The following PDE4D variants were observed in gnomAD, a reference collection of about 807,000 sequenced individuals.
PDE4D encodes the protein 3',5'-cyclic-AMP phosphodiesterase 4D.
Under a neutral mutation model 87.4 loss-of-function variants are expected in PDE4D, and 24 were observed. That is an observed-to-expected ratio of 0.27 (90% confidence interval 0.20 to 0.39). The LOEUF (loss-of-function observed/expected upper bound fraction) is 0.39. Ranked by LOEUF, PDE4D falls within the 10% of genes least tolerant of loss-of-function variation. The pLI is 1.00. For synonymous variants in PDE4D, 384 were observed against 383.2 expected, an observed-to-expected ratio of 1.00 and a Z score of -0.02; for missense variants, 714 against 1,041.0, an observed-to-expected ratio of 0.69 and a Z score of 4.32.
At chr5:59,750,912 A>T (rs1760350152) in intron 1 of PDE4D, among the ~76,000 whole-genome samples, 1 of 145,028 alleles carries the variant, frequency 6.9e-6, no homozygotes, top group South Asian at 2.2e-4. Flanking sequence ...ACTTTACTCT[A>T]GGCGGCCTGG....
chr5:59,984,648 G>T (rs1182468277), intron 3 of PDE4D, among the ~76,000 whole-genome samples: 1 of 152,116 alleles, frequency 6.6e-6, no homozygotes, highest in Non-Finnish European at 1.5e-5. Flanking sequence ...TCAGTCTCTT[G>T]ACCCAAGTAC....
Position 59,398,466 on chromosome 5 carries a change from C to T in PDE4D, c.456-182498G>A, listed in dbSNP as rs1236190706. On this transcript the variant is annotated intron_variant, in intron 1 of 14. Transcript: ENST00000340635. The stretch of plus-strand genomic sequence containing the variant: ...AATGTAATCCAGCATATAAACAGAG[C>T]CAAAGACAAAAACCACATGATTATC... Among the ~76,000 whole-genome samples the T allele has an allele frequency of 3.2e-3, 449 of 138,460 alleles. 9 individuals carry two copies. The highest frequency in any genetic ancestry group is 0.012 in the African/African-American group (436 of 36,022). The allele number at this position is 138,460 out of a possible 152,430, so 90.8% of individuals were successfully genotyped here.
At chr5:59,287,689 C>T (rs1767235665) in intron 1 of PDE4D, among the ~76,000 whole-genome samples, 2 of 151,562 alleles carry the variant, frequency 1.3e-5, no homozygotes, top group Admixed American at 6.6e-5. Flanking sequence ...TGTTACCCCT[C>T]CCCCAGATCC....
intron 2 of PDE4D, among the ~76,000 whole-genome samples, chr5:60,143,565 T>A (rs1544789): frequency 1.3e-5 from 2 of 151,110 alleles, no homozygotes; most frequent in Non-Finnish European, 2.9e-5. Flanking sequence ...AGTCCTAACC[T>A]GAGTTCTGGT....
chr5:59,777,377 G>A (rs184920426), intron 1 of PDE4D, among the ~76,000 whole-genome samples: 1 of 152,218 alleles, frequency 6.6e-6, no homozygotes. Flanking sequence ...ACAGAAGCCT[G>A]TTGGGAGACT....
rs577541807 is a variant in PDE4D at position 59,043,729 on chromosome 5, C to T, written c.809-4758G>A. ...CTTCCCCCCACCCCACAGCAGGCCC[C>T]GGTGTGTGATGTTCCCCTTCCTATG... On this transcript the variant is annotated intron_variant, in intron 5 of 14. Transcript: ENST00000340635. Among the ~76,000 whole-genome samples the T allele has an allele frequency of 3.6e-4, 54 of 151,864 alleles. No individual in the cohort carries two copies. The East Asian group carries it at 8.0e-3, about 22-fold the overall frequency.
At position 59,265,739 on chromosome 5, in the gene PDE4D, C is replaced by A. The variant is rs74560124; in HGVS notation, c.456-49771G>T. Among the ~76,000 whole-genome samples, 30 of 152,076 alleles carry A rather than the reference C, an allele frequency of 2.0e-4. No homozygotes were observed. The East Asian group carries it at 4.5e-3, about 23-fold the overall frequency. ...TATTTGCCACTCAAATTTAGGCAAG[C>A]CACTTTACTTCATTAGGCCTCAGTC... On this transcript the variant is annotated intron_variant, in intron 1 of 14. Coordinates refer to ENST00000340635, the MANE Select transcript of PDE4D (RefSeq NM_001104631.2).
At chr5:59,200,298 T>TACAC (rs1491402949) in intron 2 of PDE4D, among the ~76,000 whole-genome samples, 1 of 115,540 alleles carries the variant, frequency 8.7e-6, no homozygotes, top group African/African-American at 4.5e-5. Flanking sequence ...TACATACATA[T>TACAC]GTGTATGTAC....
chr5:59,864,553 G>A (rs1469647564), intron 1 of PDE4D, among the ~76,000 whole-genome samples: 1 of 152,126 alleles, frequency 6.6e-6, no homozygotes, highest in Non-Finnish European at 1.5e-5. Context: ...TAATTGCAAT[G>A]TAAAAGGGCA....
At chr5:60,063,154 G>C (rs575112370) in intron 2 of PDE4D, among the ~76,000 whole-genome samples, 4 of 147,692 alleles carry the variant, frequency 2.7e-5, no homozygotes, top group Non-Finnish European at 6.0e-5. Flanking sequence ...AAGAAAGAAA[G>C]AAGGAAAGAA....
chr5:59,487,075 T>C (rs1471962462), intron 1 of PDE4D, among the ~76,000 whole-genome samples: 1 of 152,202 alleles, frequency 6.6e-6, no homozygotes, highest in Non-Finnish European at 1.5e-5. Context: ...TTTAAATATG[T>C]AAGATCATCT....
intron 1 of PDE4D, among the ~76,000 whole-genome samples, chr5:59,569,533 C>T (rs143733909): frequency 1.2e-4 from 18 of 152,294 alleles, no homozygotes; most frequent in East Asian, 3.9e-4. Flanking sequence ...TTGCAAACAA[C>T]GCATGTTTGT....
At chr5:59,699,950 AGACT>A in intron 1 of PDE4D, among the ~76,000 whole-genome samples, 1 of 152,326 alleles carries the variant, frequency 6.6e-6, no homozygotes, top group African/African-American at 2.4e-5. Flanking sequence ...CAGGAATGAT[AGACT>A]ATTGATCAGA....
intron 1 of PDE4D, among the ~76,000 whole-genome samples, chr5:59,631,847 C>CAGA (rs140438836): frequency 8.6e-4 from 131 of 151,548 alleles, no homozygotes; most frequent in Non-Finnish European, 1.1e-3. Flanking sequence ...GAGCTAGCTG[C>CAGA]AGTTTTTTTT....
At chr5:59,534,770 A>C (rs1424533730) in intron 1 of PDE4D, among the ~76,000 whole-genome samples, 1 of 152,212 alleles carries the variant, frequency 6.6e-6, no homozygotes, top group Non-Finnish European at 1.5e-5. Flanking sequence ...GATGAACTCC[A>C]GCCAAAGTGT....
intron 2 of PDE4D, among the ~76,000 whole-genome samples, chr5:60,084,958 G>A (rs1176722670): frequency 6.6e-6 from 1 of 152,122 alleles, no homozygotes; most frequent in Non-Finnish European, 1.5e-5. Flanking sequence ...GACCAATTCT[G>A]ATTGTTCAGC....
At chr5:58,977,696 A>C (rs182037400) in intron 11 of PDE4D, among the ~76,000 whole-genome samples, 38 of 152,274 alleles carry the variant, frequency 2.5e-4, no homozygotes, top group African/African-American at 8.4e-4. Context: ...CATCCAGAGC[A>C]TAAGGTTTTG....
intron 1 of PDE4D, among the ~76,000 whole-genome samples, chr5:59,324,375 G>A (rs1221837708): frequency 6.6e-6 from 1 of 152,094 alleles, no homozygotes; most frequent in Non-Finnish European, 1.5e-5. Flanking sequence ...ACAGGGAGGT[G>A]GGCCTCAGCC....
At chr5:59,301,014 G>T (rs1277092330) in intron 1 of PDE4D, among the ~76,000 whole-genome samples, 1 of 152,166 alleles carries the variant, frequency 6.6e-6, no homozygotes, top group Non-Finnish European at 1.5e-5. Context: ...GGGGGAAGGG[G>T]TGTGGAGCTT....
Sources: gnomAD v4.1 joint callset for allele counts (sites outside exome capture counted in the v4.1 genomes callset) on GRCh38, gnomAD v4.1.1 for gene constraint, MANE v1.5 for transcripts, NCBI Gene and HGNC (gene_info 2026-07-23, HGNC 2026-07-21) for gene names.